MAPKAPK2: variants seen among roughly 807,000 people sequenced by gnomAD.
The protein encoded by MAPKAPK2 is MAP kinase-activated protein kinase 2.
MAPKAPK2 carries 9 observed loss-of-function variants against 48.8 expected under a neutral mutation model. The ratio of observed to expected loss-of-function variants is 0.18; its 90% CI spans 0.11 to 0.32. MAPKAPK2 has a LOEUF of 0.32. MAPKAPK2 is among the 10% of genes least tolerant of loss of function. The pLI, the probability that MAPKAPK2 is intolerant of heterozygous loss-of-function variation, is 1.00. For synonymous variants in MAPKAPK2, 202 were observed against 190.6 expected, an observed-to-expected ratio of 1.06 and a Z score of -0.49; for missense variants, 331 against 498.3, an observed-to-expected ratio of 0.66 and a Z score of 3.20.
At chr1:206,721,201 C>T (rs987490450) in intron 1 of MAPKAPK2, among the ~76,000 whole-genome samples, 5 of 152,170 alleles carry the variant, frequency 3.3e-5, no homozygotes, top group Admixed American at 6.5e-5. Flanking sequence ...TGCTCCTGCT[C>T]TTGCCATGTG....
At chr1:206,707,800 GT>G (rs1479837412) in intron 1 of MAPKAPK2, among the ~76,000 whole-genome samples, 4 of 152,216 alleles carry the variant, frequency 2.6e-5, no homozygotes, top group African/African-American at 9.7e-5. Context: ...CATGGAGACA[GT>G]TGAGAGCTAC....
Position 206,685,520 on chromosome 1 carries a change from G to C in MAPKAPK2, c.279+12G>C. The C allele has an allele frequency of 1.3e-6, 2 of 1,500,508 alleles. No individual in the cohort carries two copies. The highest frequency in any genetic ancestry group is 1.8e-6 in the Non-Finnish European group (2 of 1,118,550). The allele number at this position is 1,500,508 out of a possible 1,614,324, so 92.9% of individuals were successfully genotyped here. Reference sequence around the variant, plus strand: ...AATTCGCCCTCAAAGTAGGTCTGGGGCCCGGGGAGGGGAGGCGGGGCCGGT... The same window carrying C: ...AATTCGCCCTCAAAGTAGGTCTGGGCCCCGGGGAGGGGAGGCGGGGCCGGT... On this transcript the variant is annotated intron_variant, in intron 1 of 9. Coordinates refer to ENST00000367103, the MANE Select transcript of MAPKAPK2 (RefSeq NM_032960.4).
chr1:206,685,160 AG>A lies in MAPKAPK2; in HGVS notation c.-65del. ...CGCAGCCCGTCGGGGGGCGGCGGGG[AG>A]GGGGCCCGGAGCCGGAGGAGGGGGC... On this transcript the variant is annotated 5_prime_UTR_variant, in exon 1 of 10. Transcript: ENST00000367103. The A allele has an allele frequency of 1.0e-5, 2 of 200,676 alleles. No individual in the cohort carries two copies. Among genetic ancestry groups the A allele is most frequent in the South Asian group, 1.7e-4 (1 of 5,922 alleles). 12.4% of individuals were successfully genotyped at this position (200,676 alleles called of 1,614,324 possible). A position where few individuals can be genotyped will look rare whatever the true frequency, so the allele number is the denominator to read the frequency against.
intron 1 of MAPKAPK2, among the ~76,000 whole-genome samples, chr1:206,713,199 G>A (rs1673214964): frequency 6.6e-6 from 1 of 152,182 alleles, no homozygotes; most frequent in African/African-American, 2.4e-5. Context: ...GGTGAGTGCT[G>A]AAGTAGGAGT....
intron 1 of MAPKAPK2, among the ~76,000 whole-genome samples, chr1:206,689,447 A>G (rs549876789): frequency 6.6e-6 from 1 of 152,364 alleles, no homozygotes; most frequent in African/African-American, 2.4e-5. Context: ...TAGTGTGGCT[A>G]GGTGAGAGGC....
chr1:206,704,449 T>G lies in MAPKAPK2; in HGVS notation c.279+18941T>G, dbSNP rs1413510249. Among the ~76,000 whole-genome samples, 1 of 152,224 alleles carries G rather than the reference T, an allele frequency of 6.6e-6. No individual in the cohort carries two copies. Among genetic ancestry groups the G allele is most frequent in the Non-Finnish European group, 1.5e-5 (1 of 68,048 alleles). On this transcript the variant is annotated intron_variant, in intron 1 of 9. Transcript: ENST00000367103. The surrounding 1 kb of genome is among the most constrained non-coding windows in gnomAD (Gnocchi z 4.3). ...CATGTGTGATGGTTATGGTGGTGAC[T>G]TCTCACTGACTGCTGATGTGTACAG...
In MAPKAPK2 at chr1:206,732,092, G is replaced by T; in HGVS notation, c.1059+173G>T. On this transcript the variant is annotated intron_variant, in intron 9 of 9. Transcript: ENST00000367103. This position sits in a 1 kb window ranked among gnomAD's most constrained non-coding sequence, Gnocchi z 4.4. ...GGCCACTTGGCTGACCAGGTTGTGA[G>T]CAGAGGATTCTGTGTTCCTGTCCAA... 6.2e-7 allele frequency: 1 copy of T among 1,614,222 alleles called. No individual in the cohort carries two copies. The highest frequency in any genetic ancestry group is 8.5e-7 in the Non-Finnish European group (1 of 1,180,032).
intron 1 of MAPKAPK2, among the ~76,000 whole-genome samples, chr1:206,697,818 C>T (rs1204937202): frequency 6.6e-6 from 1 of 152,244 alleles, no homozygotes; most frequent in Admixed American, 6.5e-5. Flanking sequence ...CAGATTTACA[C>T]AAGAAAGAGA....
In MAPKAPK2 at chr1:206,709,824, A is replaced by T. The variant is rs576895881; in HGVS notation, c.280-18886A>T. The stretch of plus-strand genomic sequence containing the variant: ...GATTGTCCTGTGCTTTGTAGGAGTT[A>T]GCAGCATCCCTGGCCTCTACCCACT... On this transcript the variant is annotated intron_variant, in intron 1 of 9. Transcript: ENST00000367103. Among the ~76,000 whole-genome samples, 102 of 152,318 alleles carry T rather than the reference A, an allele frequency of 6.7e-4. 4 individuals carry two copies. In the South Asian group the frequency reaches 0.021, roughly 31 times the overall value.
At chr1:206,705,193 A>G (rs1672917121) in intron 1 of MAPKAPK2, among the ~76,000 whole-genome samples, 1 of 152,158 alleles carries the variant, frequency 6.6e-6, no homozygotes, top group Non-Finnish European at 1.5e-5. Context: ...GAGAGGTTTG[A>G]AAAAGGTGTA....
At chr1:206,715,807 T>C (rs1350419009) in intron 1 of MAPKAPK2, among the ~76,000 whole-genome samples, 2 of 151,784 alleles carry the variant, frequency 1.3e-5, no homozygotes, top group African/African-American at 4.8e-5. Flanking sequence ...TTTAAATTAT[T>C]CATAGAGACG....
intron 1 of MAPKAPK2, among the ~76,000 whole-genome samples, chr1:206,686,962 C>T (rs895841504): frequency 6.6e-6 from 1 of 152,144 alleles, no homozygotes; most frequent in Non-Finnish European, 1.5e-5. Flanking sequence ...CTTCTCTTTC[C>T]CTACTCATAA....
chr1:206,689,321 A>G (rs994414007), intron 1 of MAPKAPK2, among the ~76,000 whole-genome samples: 1 of 152,064 alleles, frequency 6.6e-6, no homozygotes, highest in East Asian at 1.9e-4. Context: ...GGAGCCTCTC[A>G]TGATTATTCT....
At chr1:206,729,230 GC>G in intron 3 of MAPKAPK2, 131 bp downstream of exon 3, 3 of 1,153,872 alleles carry the variant, frequency 2.6e-6, no homozygotes, top group South Asian at 2.5e-5. Context: ...TGCAAGGGGT[GC>G]CTCAGCTGAC....
rs576476194 is a variant in MAPKAPK2, at chr1:206,733,038, G to A, written c.*320G>A. ...CTTGCCCCACTCCTCTCCACCAGAC[G>A]CCTTCCTCTCTGGATACTGCAAAGG... On this transcript the variant is annotated 3_prime_UTR_variant, in exon 10 of 10. Coordinates refer to ENST00000367103, the MANE Select transcript of MAPKAPK2 (RefSeq NM_032960.4). The A allele has an allele frequency of 1.4e-5, 4 of 295,904 alleles. No individual in the cohort carries two copies. The highest frequency in any genetic ancestry group is 5.0e-5 in the South Asian group (1 of 19,944). The allele number at this position is 295,904 out of a possible 1,614,324, so 18.3% of individuals were successfully genotyped here. A position where few individuals can be genotyped will look rare whatever the true frequency, so the allele number is the denominator to read the frequency against.
intron 1 of MAPKAPK2, 144 bp from the exon 2 acceptor site, chr1:206,728,566 A>C: frequency 1.3e-6 from 1 of 790,516 alleles, no homozygotes; most frequent in Non-Finnish European, 1.9e-6. Flanking sequence ...GGCCTCAGGA[A>C]ATGTGCCAAG....
intron 1 of MAPKAPK2, among the ~76,000 whole-genome samples, chr1:206,695,672 T>C (rs543215371): frequency 8.6e-5 from 13 of 152,014 alleles, no homozygotes; most frequent in African/African-American, 3.1e-4. Context: ...CAAAAGTGGG[T>C]CTTCCCATCC....
intron 1 of MAPKAPK2, among the ~76,000 whole-genome samples, chr1:206,716,417 G>T (rs80314272): frequency 3.3e-3 from 504 of 152,232 alleles, no homozygotes; most frequent in African/African-American, 0.012. Context: ...CTATCTTCCG[G>T]TTCTTTTTCC....
intron 1 of MAPKAPK2, among the ~76,000 whole-genome samples, chr1:206,724,405 A>G (rs948942403): frequency 2.6e-5 from 4 of 152,102 alleles, no homozygotes; most frequent in African/African-American, 9.7e-5. Flanking sequence ...CCACAGAGCC[A>G]CTTTGGCACT....
Sources: allele counts gnomAD v4.1 joint callset (sites outside exome capture counted in the v4.1 genomes callset), GRCh38; gene constraint gnomAD v4.1.1; non-coding constraint Gnocchi (gnomAD v3.1); transcripts MANE v1.5; gene names NCBI Gene and HGNC (gene_info 2026-07-23, HGNC 2026-07-21).